Variants in ANXA8 observed in about 807,000 individuals in gnomAD.
The protein encoded by ANXA8 is annexin A8.
Under a neutral mutation model 26.8 loss-of-function variants are expected in ANXA8, and 9 were observed. That is an observed-to-expected ratio of 0.34 (90% CI 0.20 to 0.59). The LOEUF (loss-of-function observed/expected upper bound fraction) is 0.59. ANXA8 is among the 20% of genes least tolerant of loss of function. The pLI is 0.84. For missense variants in ANXA8, 83 were observed against 238.5 expected (o/e 0.35, Z 4.29); for synonymous variants, 39 against 94.8 (o/e 0.41, Z 3.42).
At chr10:47,567,120 T>A in the ANXA8 span, among the ~76,000 whole-genome samples, 1 of 118,216 alleles carries the variant, frequency 8.5e-6, no homozygotes, top group African/African-American at 3.9e-5. Context: ...GCACAGGGAG[T>A]TCAGGCGCCA....
At chr10:47,655,845 A>G in the ANXA8 span, among the ~76,000 whole-genome samples, 1 of 151,144 alleles carries the variant, frequency 6.6e-6, no homozygotes, top group Non-Finnish European at 1.5e-5. Flanking sequence ...ACATTGAGAA[A>G]CTCCATCCCT....
the ANXA8 span, chr10:47,563,778 T>G: frequency 1.3e-6 from 1 of 755,040 alleles, no homozygotes. Flanking sequence ...ATATACCTTA[T>G]CGGAACTGAT....
the ANXA8 span, among the ~76,000 whole-genome samples, chr10:47,490,063 C>T: frequency 6.7e-6 from 1 of 149,900 alleles, no homozygotes; most frequent in Non-Finnish European, 1.5e-5. Context: ...GACATGAAGC[C>T]CAGGCTGGGC....
At chr10:47,664,678 A>C in the ANXA8 span, among the ~76,000 whole-genome samples, 2 of 150,634 alleles carry the variant, frequency 1.3e-5, no homozygotes, top group African/African-American at 4.9e-5. Flanking sequence ...CACTTTGGGA[A>C]TATCTAAATA....
At chr10:47,505,984 CT>C in the ANXA8 span, among the ~76,000 whole-genome samples, 2 of 142,756 alleles carry the variant, frequency 1.4e-5, no homozygotes, top group Admixed American at 7.1e-5. Context: ...CTACTGTAGG[CT>C]TGGCAGCTTT....
chr10:47,555,220 G>T, the ANXA8 span, among the ~76,000 whole-genome samples: 1 of 151,830 alleles, frequency 6.6e-6, no homozygotes, highest in African/African-American at 2.4e-5. Context: ...TTATTATAGA[G>T]TAACTCTTCT....
the ANXA8 span, among the ~76,000 whole-genome samples, chr10:47,610,429 TTTTA>T: frequency 2.1e-4 from 29 of 139,230 alleles, no homozygotes; most frequent in African/African-American, 7.7e-4. Context: ...AGCATTTGAT[TTTTA>T]TTTATGTATA....
chr10:47,944,543 C>T, the ANXA8 span, among the ~76,000 whole-genome samples: 3 of 150,900 alleles, frequency 2.0e-5, no homozygotes, highest in South Asian at 6.3e-4. Context: ...ATAATTCCCA[C>T]ATGTCGTGGG....
At chr10:47,970,721 A>C in the ANXA8 span, among the ~76,000 whole-genome samples, 1 of 151,470 alleles carries the variant, frequency 6.6e-6, no homozygotes, top group Non-Finnish European at 1.5e-5. Flanking sequence ...TGGAACTGCC[A>C]GTGTGTTTTT....
At chr10:47,767,057 TA>T in the ANXA8 span, among the ~76,000 whole-genome samples, 775 of 138,594 alleles carry the variant, frequency 5.6e-3, 2 homozygotes, top group Non-Finnish European at 9.4e-3. Context: ...CACTTTCAAT[TA>T]ACCTTAAGAA....
chr10:47,525,802 AT>A, the ANXA8 span, among the ~76,000 whole-genome samples: 8,781 of 80,474 alleles, frequency 0.11, 417 homozygotes, highest in Middle Eastern at 0.21. Flanking sequence ...GCTGAACACT[AT>A]TTTTTTTTTT....
At chr10:47,480,636 G>C (rs1839742790) in intron 1 of ANXA8, among the ~76,000 whole-genome samples, 1 of 116,792 alleles carries the variant, frequency 8.6e-6, no homozygotes, top group African/African-American at 3.7e-5. Context: ...GAATGGTAGA[G>C]AATGGAGGGA....
At chr10:47,661,348 T>C in the ANXA8 span, among the ~76,000 whole-genome samples, 1 of 69,570 alleles carries the variant, frequency 1.4e-5, no homozygotes, top group South Asian at 4.5e-4. Flanking sequence ...AGTAAAAGAT[T>C]TCATTTTGAC....
At chr10:47,626,240 T>A in the ANXA8 span, among the ~76,000 whole-genome samples, 1 of 150,144 alleles carries the variant, frequency 6.7e-6, no homozygotes, top group East Asian at 1.9e-4. Context: ...CAGAGTCTTC[T>A]AGGCTTGAAT....
chr10:47,648,395 TTCTTATAACATAAATA>T, the ANXA8 span, among the ~76,000 whole-genome samples: 1 of 150,674 alleles, frequency 6.6e-6, no homozygotes, highest in South Asian at 2.1e-4. Context: ...CTGTATTGAT[TTCTTATAACATAAATA>T]TCTGTGGTTA....
chr10:47,949,540 T>G, the ANXA8 span, among the ~76,000 whole-genome samples: 3 of 150,626 alleles, frequency 2.0e-5, no homozygotes, highest in South Asian at 6.3e-4. Flanking sequence ...TAAAAGATAA[T>G]TGATTGTTTA....
the ANXA8 span, among the ~76,000 whole-genome samples, chr10:47,626,168 C>T: frequency 6.7e-6 from 1 of 150,056 alleles, no homozygotes; most frequent in South Asian, 2.1e-4. Context: ...GGTCAAATGG[C>T]AGTTAATAGC....
the ANXA8 span, among the ~76,000 whole-genome samples, chr10:47,683,713 G>C: frequency 2.0e-5 from 3 of 151,452 alleles, no homozygotes; most frequent in Admixed American, 1.3e-4. Flanking sequence ...AAGTTGCAGA[G>C]TAGTAATTTG....
chr10:47,641,258 ACT>A, the ANXA8 span, among the ~76,000 whole-genome samples: 1 of 148,214 alleles, frequency 6.7e-6, no homozygotes, highest in African/African-American at 2.6e-5. Flanking sequence ...TTAGCTAGCA[ACT>A]CTCAGTTTTG....
Sources: allele counts gnomAD v4.1 joint callset (sites outside exome capture counted in the v4.1 genomes callset), GRCh38; gene constraint gnomAD v4.1.1; transcripts MANE v1.5; gene names NCBI Gene and HGNC (gene_info 2026-07-23, HGNC 2026-07-21).